UBXN2B: variants seen among roughly 807,000 people sequenced by gnomAD.
UBXN2B encodes the protein UBX domain protein 2B, also known as UBX domain-containing protein 2B.
A neutral mutation model predicts 37.5 loss-of-function variants in UBXN2B; 19 were observed. The observed-to-expected ratio is 0.51, with a 90% confidence interval of 0.35 to 0.74. The LOEUF is 0.74. Among genes scored for constraint, UBXN2B ranks in the 30% least tolerant of loss-of-function variants. UBXN2B has a pLI of 0.01. For missense variants in UBXN2B, 370 were observed against 393.2 expected (o/e 0.94, Z 0.50); for synonymous variants, 145 against 143.8 (o/e 1.01, Z -0.06).
At chr8:58,434,229 T>A (rs1390269092) in intron 4 of UBXN2B, among the ~76,000 whole-genome samples, 166 bp from the exon 5 acceptor site, 2 of 152,120 alleles carry the variant, frequency 1.3e-5, no homozygotes, top group Non-Finnish European at 2.9e-5. Context: ...TTAATGTCTT[T>A]CACTATGAAT....
chr8:58,436,867 G>A (rs1808424722), intron 5 of UBXN2B, among the ~76,000 whole-genome samples: 1 of 152,214 alleles, frequency 6.6e-6, no homozygotes, highest in Non-Finnish European at 1.5e-5. Flanking sequence ...GCAGAACCAT[G>A]AGCCAAAATA....
Position 58,434,361 on chromosome 8 carries a change from ATATATATATT to A in UBXN2B, c.424-32_424-23del. The A allele has an allele frequency of 1.2e-5, 7 of 561,706 alleles. 1 individual carries two copies. Among genetic ancestry groups the A allele is most frequent in the Non-Finnish European group, 9.8e-6 (4 of 406,230 alleles). 34.8% of individuals were successfully genotyped at this position (561,706 alleles called of 1,614,324 possible). A position where few individuals can be genotyped will look rare whatever the true frequency, so the allele number is the denominator to read the frequency against. On this transcript the variant is annotated intron_variant, in intron 4 of 7. Transcript: ENST00000399598. ...TATGTATATGTGAATATATATATAT[ATATATATATT>A]TTTTTTTTTTCTATACCCAAAAGGT...
intron 6 of UBXN2B, among the ~76,000 whole-genome samples, chr8:58,444,498 G>A (rs928668476): frequency 1.3e-5 from 2 of 152,206 alleles, no homozygotes; most frequent in Non-Finnish European, 2.9e-5. Flanking sequence ...TGATGTAAAT[G>A]AAATAATGCA....
chr8:58,443,194 A>T (rs1808591893), intron 6 of UBXN2B, among the ~76,000 whole-genome samples: 1 of 152,134 alleles, frequency 6.6e-6, no homozygotes, highest in African/African-American at 2.4e-5. Flanking sequence ...CATTGAGAAA[A>T]TAGAACCTGA....
At chr8:58,424,473 A>C (rs566758324) in intron 2 of UBXN2B, 2 of 592,054 alleles carry the variant, frequency 3.4e-6, no homozygotes, top group East Asian at 6.2e-5. Flanking sequence ...ACCACAATGC[A>C]AGCCTTCCAA....
intron 7 of UBXN2B, among the ~76,000 whole-genome samples, chr8:58,446,440 G>T (rs1808670738): frequency 6.6e-6 from 1 of 151,898 alleles, no homozygotes; most frequent in Non-Finnish European, 1.5e-5. Context: ...ATTTTGATTG[G>T]GATTAATTTT....
At position 58,447,668 on chromosome 8, in the gene UBXN2B, T is replaced by C. The variant is rs1263749090; in HGVS notation, c.*117T>C. ...TTTTATTATTTTTACAGATAAATTT[T>C]GGTTTTATTGTTATTCTGTCTTCCA... On this transcript the variant is annotated 3_prime_UTR_variant, in exon 8 of 8. Transcript: ENST00000399598. 1.9e-6 allele frequency: 2 copies of C among 1,069,744 alleles called. No homozygotes were observed. Among genetic ancestry groups the C allele is most frequent in the Non-Finnish European group, 2.5e-6 (2 of 802,740 alleles). The allele number at this position is 1,069,744 out of a possible 1,614,324, so 66.3% of individuals were successfully genotyped here. A position where few individuals can be genotyped will look rare whatever the true frequency, so the allele number is the denominator to read the frequency against.
intron 1 of UBXN2B, among the ~76,000 whole-genome samples, chr8:58,415,043 AT>A: frequency 6.6e-6 from 1 of 152,244 alleles, no homozygotes; most frequent in African/African-American, 2.4e-5. Context: ...TTCAACGTCA[AT>A]TTGTTGCCTT....
chr8:58,415,190 GA>G (rs1279902656), intron 1 of UBXN2B, among the ~76,000 whole-genome samples: 6 of 151,868 alleles, frequency 4.0e-5, no homozygotes, highest in Admixed American at 6.6e-5. Context: ...TGAGTATTTA[GA>G]AAAAAAGATA....
At chr8:58,438,487 C>T (rs144079191) in intron 5 of UBXN2B, among the ~76,000 whole-genome samples, 90 of 152,324 alleles carry the variant, frequency 5.9e-4, no homozygotes, top group Non-Finnish European at 1.0e-3. Context: ...GTATATGGGA[C>T]GTGGCATCAA....
At position 58,411,363 on chromosome 8, in the gene UBXN2B, C is replaced by T; in HGVS notation, c.-23C>T. On this transcript the variant is annotated 5_prime_UTR_variant, in exon 1 of 8. Transcript: ENST00000399598. ...GAAGTTGCGGCAGGTGCGTCCGCAG[C>T]GGGCGCCGCTAGCCAGCGGAAGATG... The T allele has an allele frequency of 1.6e-6, 2 of 1,267,848 alleles. No homozygotes were observed. Among genetic ancestry groups the T allele is most frequent in the Non-Finnish European group, 2.0e-6 (2 of 1,003,948 alleles). 78.5% of individuals were successfully genotyped at this position (1,267,848 alleles called of 1,614,324 possible). A position where few individuals can be genotyped will look rare whatever the true frequency, so the allele number is the denominator to read the frequency against.
chr8:58,438,756 A>C (rs1808478309), intron 5 of UBXN2B, among the ~76,000 whole-genome samples: 1 of 152,070 alleles, frequency 6.6e-6, no homozygotes, highest in Non-Finnish European at 1.5e-5. Flanking sequence ...ACTTTGGGGG[A>C]CTATTGAGAA....
At chr8:58,447,274 TACA>T in intron 7 of UBXN2B, 112 bp from the exon 8 acceptor site, 1 of 972,074 alleles carries the variant, frequency 1.0e-6, no homozygotes, top group Admixed American at 2.9e-5. Flanking sequence ...TAAAGAAAGT[TACA>T]ACACCTTTAT....
intron 2 of UBXN2B, among the ~76,000 whole-genome samples, chr8:58,417,398 C>G (rs370884848): frequency 6.6e-6 from 1 of 152,148 alleles, no homozygotes; most frequent in Non-Finnish European, 1.5e-5. Context: ...TCCATGGAGC[C>G]TCTGCAGGTC....
At position 58,447,515 on chromosome 8, in the gene UBXN2B, T is replaced by A. The variant is rs1733523332; in HGVS notation, c.960T>A (p.Asp320Glu). The A allele has an allele frequency of 1.2e-6, 2 of 1,613,004 alleles. No homozygotes were observed. Among genetic ancestry groups the A allele is most frequent in the South Asian group, 2.2e-5 (2 of 90,930 alleles). ...AAAGCCTGACACTGCTAGAAGCAGATATTCTTAACACTGTGTTACTCCAGC... is the reference window on the plus strand; with the variant it reads ...AAAGCCTGACACTGCTAGAAGCAGAAATTCTTAACACTGTGTTACTCCAGC... ...TDESLTLLEADILNTVLLQQL... is the reference protein window; with the variant it reads ...TDESLTLLEAEILNTVLLQQL... Residue 320 changes from aspartate (D) to glutamate (E), a missense_variant, in exon 8 of 8, where the codon GAT (aspartate) becomes GAA (glutamate). By Grantham distance (45) the Asp-to-Glu change is conservative (BLOSUM62 2). Around this residue, in one of 3 missense-constraint regions of UBXN2B, gnomAD observed 83 missense variants for 83.5 expected, o/e 0.99. Transcript: ENST00000399598.
chr8:58,414,104 T>G (rs1439911248), intron 1 of UBXN2B, among the ~76,000 whole-genome samples: 1 of 152,240 alleles, frequency 6.6e-6, no homozygotes, highest in African/African-American at 2.4e-5. Flanking sequence ...CAATAGTGGG[T>G]ACTATAAATG....
chr8:58,430,740 GCAAA>G (rs1808251001), intron 3 of UBXN2B, 71 bp downstream of exon 3: 1 of 1,187,168 alleles, frequency 8.4e-7, no homozygotes, highest in African/African-American at 1.6e-5. Context: ...TCTATTATTT[GCAAA>G]CATTGTTTTT....
intron 6 of UBXN2B, among the ~76,000 whole-genome samples, chr8:58,443,409 TAA>T (rs1273376478): frequency 1.3e-5 from 2 of 152,188 alleles, no homozygotes; most frequent in South Asian, 4.1e-4. Context: ...CTTTTTAATG[TAA>T]AAGTTTTACT....
Position 58,416,856 on chromosome 8 carries a change from T to G in UBXN2B, c.91T>G (p.Leu31Val). 6.2e-7 allele frequency: 1 copy of G among 1,611,550 alleles called. No homozygotes were observed. The highest frequency in any genetic ancestry group is 8.5e-7 in the Non-Finnish European group (1 of 1,178,414). ...CAAGCCTGTTATTATGTAGTTGGCC[T>G]TGGCAGAATTGTATGAAGATGAAGT... ...PPSARDLQLALAELYEDEVKC... is the reference protein window; with the variant it reads ...PPSARDLQLAVAELYEDEVKC... Residue 31 changes from leucine (L) to valine (V), a missense_variant, in exon 2 of 8, where the codon TTG (leucine) becomes GTG (valine). Leu to Val is a conservative substitution (Grantham distance 32). Around this residue, in one of 3 missense-constraint regions of UBXN2B, gnomAD observed 197 missense variants for 170.2 expected, o/e 1.16. Coordinates refer to ENST00000399598, the MANE Select transcript of UBXN2B (RefSeq NM_001077619.2).
Sources: gnomAD v4.1 joint callset for allele counts (sites outside exome capture counted in the v4.1 genomes callset) on GRCh38, gnomAD v4.1.1 for gene constraint, gnomAD v4.1.1 regional missense constraint, MANE v1.5 for transcripts, NCBI Gene and HGNC (gene_info 2026-07-23, HGNC 2026-07-21) for gene names.